Variants in SIMC1 observed in about 807,000 individuals in gnomAD.
SIMC1 encodes the protein SUMO-interacting motif-containing protein 1.
In SIMC1, 55 loss-of-function variants were observed where a neutral mutation model predicts 82.3. The ratio of observed to expected loss-of-function variants is 0.67; its 90% confidence interval spans 0.54 to 0.84. The LOEUF (loss-of-function observed/expected upper bound fraction) is 0.84. SIMC1 is among the 40% of genes least tolerant of loss of function. The pLI is 0.00. For missense variants in SIMC1, 915 were observed against 1,107.2 expected (o/e 0.83, Z 2.46); for synonymous variants, 353 against 426.3 (o/e 0.83, Z 2.12).
intron 7 of SIMC1, among the ~76,000 whole-genome samples, chr5:176,329,580 A>G (rs1301134243): frequency 6.6e-6 from 1 of 151,418 alleles, no homozygotes; most frequent in African/African-American, 2.4e-5. Flanking sequence ...ACAATCATCC[A>G]TCCTCCCAGC....
At chr5:176,242,960 A>G (rs1761320324) in intron 1 of SIMC1, among the ~76,000 whole-genome samples, 1 of 151,960 alleles carries the variant, frequency 6.6e-6, no homozygotes, top group South Asian at 2.1e-4. Context: ...TGTTCTTTTA[A>G]TCTTTGCTGT....
chr5:176,343,810 T>C (rs186415726), intron 9 of SIMC1, among the ~76,000 whole-genome samples: 12 of 152,256 alleles, frequency 7.9e-5, no homozygotes, highest in Non-Finnish European at 1.6e-4. Flanking sequence ...TTTGTTTTTT[T>C]TGAGACGGAG....
In SIMC1 at chr5:176,290,557, T is replaced by G. The variant is rs748838527; in HGVS notation, c.1033T>G (p.Ser345Ala). The change falls in exon 2 of 10, where the codon TCA (serine) becomes GCA (alanine). Residue 345 changes from serine to alanine, a missense_variant. Ser to Ala is a moderately conservative substitution (Grantham distance 99). Around this residue, in one of 2 missense-constraint regions of SIMC1, gnomAD observed 902 missense variants for 1,040.3 expected, o/e 0.87. Coordinates refer to ENST00000429602, the MANE Select transcript of SIMC1 (RefSeq NM_001308195.2). ...ACACTTACCGGGAGATGTGTTACAT[T>G]CACCTGGAGACATGCCACACTCATC... ...MPHLPGDVLH[S>A]PGDMPHSSGD... is the part of the protein sequence containing the mutation. 3.1e-6 allele frequency: 5 copies of G among 1,613,948 alleles called. No individual in the cohort carries two copies. Among genetic ancestry groups the G allele is most frequent in the Non-Finnish European group, 4.2e-6 (5 of 1,179,870 alleles).
At chr5:176,297,490 G>A (rs1169321666) in intron 4 of SIMC1, among the ~76,000 whole-genome samples, 13 of 106,428 alleles carry the variant, frequency 1.2e-4, no homozygotes, top group African/African-American at 3.3e-4. Context: ...CAGCAAGAGC[G>A]AAACTCTGTC....
intron 1 of SIMC1, among the ~76,000 whole-genome samples, chr5:176,274,010 G>A (rs1001598986): frequency 1.3e-4 from 19 of 150,150 alleles, no homozygotes; most frequent in Admixed American, 2.7e-4. Flanking sequence ...AGTCCTTTGG[G>A]TATATACCCA....
chr5:176,289,857 G>A lies in SIMC1; in HGVS notation c.333G>A (p.Gly111=). 6.2e-7 allele frequency: 1 copy of A among 1,613,920 alleles called. No homozygotes were observed. Among genetic ancestry groups the A allele is most frequent in the South Asian group, 1.1e-5 (1 of 91,060 alleles). ...ASLSGKAVME[G]HVDRSSQPTA... is the part of the protein sequence containing the mutation. Reference sequence around the variant, plus strand: ...TCTCTGGCAAAGCGGTGATGGAAGGGCACGTGGACAGAAGCTCTCAGCCTA... The same window carrying A: ...TCTCTGGCAAAGCGGTGATGGAAGGACACGTGGACAGAAGCTCTCAGCCTA... Residue 111 remains glycine, a synonymous_variant, in exon 2 of 10, where the codon GGG becomes GGA. Coordinates refer to ENST00000429602, the MANE Select transcript of SIMC1 (RefSeq NM_001308195.2).
chr5:176,294,683 C>A (rs908041204), intron 2 of SIMC1, among the ~76,000 whole-genome samples: 3 of 151,690 alleles, frequency 2.0e-5, no homozygotes, highest in African/African-American at 7.3e-5. Flanking sequence ...GAAATCCCGG[C>A]TCGGCGCCGT....
intron 5 of SIMC1, among the ~76,000 whole-genome samples, chr5:176,316,691 AAAAT>A (rs1307485750): frequency 2.0e-5 from 3 of 151,106 alleles, no homozygotes; most frequent in African/African-American, 7.3e-5. Flanking sequence ...CTCTGTCTCA[AAAAT>A]AAATAAAGGC....
Position 176,290,134 on chromosome 5 carries a change from C to T in SIMC1, c.610C>T (p.Pro204Ser). 6.2e-7 allele frequency: 1 copy of T among 1,605,474 alleles called. No individual in the cohort carries two copies. Among genetic ancestry groups the T allele is most frequent in the Non-Finnish European group, 8.5e-7 (1 of 1,175,906 alleles). Reference sequence around the variant, plus strand: ...CAGCAGCAGCAGCAATCAAAAAGCACCCTTGCCATGCCCACAGCAAGATGT... The same window carrying T: ...CAGCAGCAGCAGCAATCAAAAAGCATCCTTGCCATGCCCACAGCAAGATGT... ...SSSSSSNQKA[P>S]LPCPQQDVSR... The change falls in exon 2 of 10, where the codon CCC (proline) becomes TCC (serine). Residue 204 changes from proline (P) to serine (S), a missense_variant. This residue lies in a region of SIMC1 where 902 missense variants were observed against 1,040.3 expected (regional missense o/e 0.87). Transcript: ENST00000429602.
At chr5:176,251,378 C>T (rs1403004748) in intron 1 of SIMC1, among the ~76,000 whole-genome samples, 2 of 152,200 alleles carry the variant, frequency 1.3e-5, no homozygotes, top group Admixed American at 6.5e-5. Context: ...CAAAACAAAA[C>T]AAAAACAATT....
chr5:176,310,792 T>C (rs1764630379), intron 4 of SIMC1, among the ~76,000 whole-genome samples: 3 of 152,274 alleles, frequency 2.0e-5, no homozygotes, highest in African/African-American at 7.2e-5. Flanking sequence ...TTACCTGTGC[T>C]GAAGTTGTAT....
At chr5:176,248,611 C>T (rs909942491) in intron 1 of SIMC1, among the ~76,000 whole-genome samples, 1 of 152,014 alleles carries the variant, frequency 6.6e-6, no homozygotes, top group Non-Finnish European at 1.5e-5. Flanking sequence ...TTTCTCTTGC[C>T]TGATTTCCCT....
At chr5:176,339,343 G>A (rs943794119) in intron 9 of SIMC1, among the ~76,000 whole-genome samples, 53 of 152,186 alleles carry the variant, frequency 3.5e-4, no homozygotes, top group African/African-American at 1.2e-3. Context: ...CAGCCCTGGC[G>A]ACAGAGTGAG....
chr5:176,328,748 TG>T (rs1237942798), intron 7 of SIMC1, among the ~76,000 whole-genome samples: 1 of 152,122 alleles, frequency 6.6e-6, no homozygotes, highest in Non-Finnish European at 1.5e-5. Context: ...AGAGCTAGCA[TG>T]GTGGCATGCA....
In SIMC1 at chr5:176,262,652, C is replaced by A. The variant is rs546704691; in HGVS notation, c.129+24015C>A. ...AAATCTCGTCGCTACTAAAAATATA[C>A]AAATCAGCCAGGCATGGTGGTGAGC... On this transcript the variant is annotated intron_variant, in intron 1 of 9. Transcript: ENST00000429602. Among the ~76,000 whole-genome samples the A allele has an allele frequency of 8.5e-5, 13 of 152,168 alleles. No homozygotes were observed. The South Asian group carries it at 2.5e-3, about 29-fold the overall frequency.
At chr5:176,305,067 C>T (rs1450845044) in intron 4 of SIMC1, among the ~76,000 whole-genome samples, 6 of 149,994 alleles carry the variant, frequency 4.0e-5, no homozygotes, top group South Asian at 2.1e-4. Flanking sequence ...CGTCTCCGCC[C>T]GGCAGCCACC....
At chr5:176,267,733 G>GT (rs1159766316) in intron 1 of SIMC1, among the ~76,000 whole-genome samples, 833 of 27,246 alleles carry the variant, frequency 0.031, 63 homozygotes, top group Middle Eastern at 0.038. Context: ...TTTTCTTTCT[G>GT]TTTTTTTTTT....
chr5:176,305,821 C>T (rs868647707), intron 4 of SIMC1, among the ~76,000 whole-genome samples: 21 of 41,212 alleles, frequency 5.1e-4, no homozygotes, highest in African/African-American at 8.9e-4. Flanking sequence ...GTCAGCCCCC[C>T]GCCCGGCCAG....
At chr5:176,298,189 T>A (rs1763901614) in intron 4 of SIMC1, among the ~76,000 whole-genome samples, 1 of 152,246 alleles carries the variant, frequency 6.6e-6, no homozygotes, top group Non-Finnish European at 1.5e-5. Context: ...GCATTTTGCA[T>A]GCCCATGTCC....
Sources: gnomAD v4.1 joint callset for allele counts (sites outside exome capture counted in the v4.1 genomes callset) on GRCh38, gnomAD v4.1.1 for gene constraint, gnomAD v4.1.1 regional missense constraint, MANE v1.5 for transcripts, NCBI Gene and HGNC (gene_info 2026-07-23, HGNC 2026-07-21) for gene names.